The following ARSG variants were observed in gnomAD, a reference collection of about 807,000 sequenced individuals.
ARSG encodes ASG.
ARSG carries 37 observed loss-of-function variants against 50.5 expected under a neutral mutation model. The ratio of observed to expected loss-of-function variants is 0.73; its 90% CI spans 0.56 to 0.96. ARSG has a LOEUF of 0.96. ARSG is among the 50% of genes least tolerant of loss of function. The pLI is 0.00. For synonymous variants in ARSG, 225 were observed against 254.6 expected, an observed-to-expected ratio of 0.88 and a Z score of 1.11; for missense variants, 629 against 675.3, an observed-to-expected ratio of 0.93 and a Z score of 0.76.
downstream of ARSG, chr17:68,426,254 G>GGCCCCCCCCCCCCCC: frequency 3.7e-6 from 3 of 816,900 alleles, no homozygotes; most frequent in Non-Finnish European, 5.8e-6. Flanking sequence ...GGGAGCGGGG[G>GGCCCCCCCCCCCCCC]CTCAAATAAA....
chr17:68,334,251 G>A (rs948399811), intron 2 of ARSG, among the ~76,000 whole-genome samples: 1 of 152,178 alleles, frequency 6.6e-6, no homozygotes, highest in Admixed American at 6.5e-5. Flanking sequence ...ACTGCTCTCT[G>A]ATGATGTCCA....
At chr17:68,436,243 CCTT>C in the ARSG span, 3 of 742,490 alleles carry the variant, frequency 4.0e-6, no homozygotes, top group Non-Finnish European at 6.9e-6. Flanking sequence ...AATAGTATCA[CCTT>C]CTCTTGAACA....
chr17:68,322,253 G>T (rs990524408), intron 2 of ARSG, among the ~76,000 whole-genome samples: 1 of 152,190 alleles, frequency 6.6e-6, no homozygotes, highest in Non-Finnish European at 1.5e-5. Flanking sequence ...GCTGTGCTTG[G>T]GGCTGGAGTT....
chr17:68,287,422 A>G (rs1555754643), upstream of ARSG, among the ~76,000 whole-genome samples: 1 of 151,848 alleles, frequency 6.6e-6, no homozygotes, highest in Non-Finnish European at 1.5e-5. Context: ...GGCCTCCCAA[A>G]GTGATAGTAT....
intron 2 of ARSG, among the ~76,000 whole-genome samples, chr17:68,337,999 C>A (rs1038499101): frequency 6.6e-6 from 1 of 152,156 alleles, no homozygotes. Flanking sequence ...TCAGGCAGGT[C>A]TCCGAGGAAA....
At chr17:68,356,848 C>A (rs765788308) in intron 6 of ARSG, 44 bp downstream of exon 6, 1 of 1,612,314 alleles carries the variant, frequency 6.2e-7, no homozygotes, top group South Asian at 1.1e-5. Context: ...CCTGCCTCCA[C>A]CTACCCGTGC....
chr17:68,297,297 A>T (rs1555758676), intron 1 of ARSG, among the ~76,000 whole-genome samples: 1 of 152,262 alleles, frequency 6.6e-6, no homozygotes, highest in Admixed American at 6.5e-5. Context: ...GGAAGGCAGC[A>T]TACTCCAAGG....
Position 68,271,329 on chromosome 17 carries a change from G to T in ARSG, c.-552+11903G>T, listed in dbSNP as rs370850876. 224 of 1,614,062 alleles carry T rather than the reference G, an allele frequency of 1.4e-4. No individual in the cohort carries two copies. Among genetic ancestry groups the T allele is most frequent in the Admixed American group, 3.7e-4 (22 of 60,010 alleles). On this transcript the variant is annotated intron_variant, in intron 1 of 11. Coordinates refer to the ARSG transcript ENST00000448504. The surrounding 1 kb of genome is among the most constrained non-coding windows in gnomAD (Gnocchi z 5.3). ...AGTCTAATAGCGGGGCTTTCTTTTC[G>T]CTTGGCCTGGGGCTGGTCTTCACCA...
At chr17:68,376,009 G>A (rs148113860) in intron 8 of ARSG, among the ~76,000 whole-genome samples, 6 of 152,248 alleles carry the variant, frequency 3.9e-5, no homozygotes, top group Admixed American at 3.3e-4. Context: ...GTTCAGTTAA[G>A]TAGCACTTAG....
intron 1 of ARSG, among the ~76,000 whole-genome samples, chr17:68,264,651 G>A (rs1466905724): frequency 6.6e-6 from 1 of 151,796 alleles, no homozygotes; most frequent in African/African-American, 2.4e-5. Context: ...TGGTCAGGCT[G>A]GTCTCGAACT....
the ARSG span, among the ~76,000 whole-genome samples, chr17:68,436,204 G>A: frequency 1.3e-5 from 2 of 152,186 alleles, no homozygotes; most frequent in Non-Finnish European, 2.9e-5. Flanking sequence ...GGCTTATGGT[G>A]AGGTTGACTC....
chr17:68,370,407 C>T (rs1199938071), intron 7 of ARSG, 37 bp from the exon 8 acceptor site: 2 of 1,606,374 alleles, frequency 1.2e-6, no homozygotes, highest in Non-Finnish European at 1.7e-6. Context: ...AGTGTCCAAC[C>T]AGCCTGGTGA....
chr17:68,411,181 G>C (rs1488315393), intron 11 of ARSG, among the ~76,000 whole-genome samples: 1 of 152,096 alleles, frequency 6.6e-6, no homozygotes, highest in Admixed American at 6.6e-5. Context: ...GAATGTGTTT[G>C]CTCTTGCTTT....
At chr17:68,266,612 C>A (rs1555746509) in intron 1 of ARSG, among the ~76,000 whole-genome samples, 1 of 151,126 alleles carries the variant, frequency 6.6e-6, no homozygotes, top group Non-Finnish European at 1.5e-5. Context: ...GAGTTTGAAG[C>A]CAACCTGGCC....
At chr17:68,341,092 G>A (rs76982781) in intron 2 of ARSG, among the ~76,000 whole-genome samples, 2,804 of 152,222 alleles carry the variant, frequency 0.018, 29 homozygotes, top group Non-Finnish European at 0.024. Flanking sequence ...ACTGAGTGAA[G>A]TTTAAGCTTT....
intron 1 of ARSG, among the ~76,000 whole-genome samples, chr17:68,282,800 A>AAAAAAAAAAAAAAAAAAG (rs2075736806): frequency 6.8e-6 from 1 of 147,372 alleles, no homozygotes; most frequent in Non-Finnish European, 1.5e-5. Context: ...AAAAAAAAAA[A>AAAAAAAAAAAAAAAAAAG]GGCCAGGTGT....
chr17:68,366,271 G>A (rs1045886528), intron 6 of ARSG, among the ~76,000 whole-genome samples: 5 of 152,046 alleles, frequency 3.3e-5, no homozygotes, highest in African/African-American at 1.2e-4. Context: ...TTATTTAATT[G>A]TGGACTTTTA....
At chr17:68,395,273 C>A in intron 10 of ARSG, 80 bp downstream of exon 10, 1 of 1,574,372 alleles carries the variant, frequency 6.4e-7, no homozygotes. Flanking sequence ...GCAGACAGAA[C>A]CATCATCAGA....
rs782203795 is a variant in ARSG, at chr17:68,271,125, G to C, written c.-552+11699G>C. 5 of 1,614,118 alleles carry C rather than the reference G, an allele frequency of 3.1e-6. No homozygotes were observed. The South Asian group carries it at 4.4e-5, about 14-fold the overall frequency. Reference sequence around the variant, plus strand: ...CCCTGTTGAGGACAAAACCAGCTCCGATCCTTCCGAAAACTTCTGCAATGG... The same window carrying C: ...CCCTGTTGAGGACAAAACCAGCTCCCATCCTTCCGAAAACTTCTGCAATGG... On this transcript the variant is annotated intron_variant, in intron 1 of 11. Coordinates refer to the ARSG transcript ENST00000448504. This position sits in a 1 kb window ranked among gnomAD's most constrained non-coding sequence, Gnocchi z 5.3.
Sources: allele counts gnomAD v4.1 joint callset (sites outside exome capture counted in the v4.1 genomes callset), GRCh38; gene constraint gnomAD v4.1.1; non-coding constraint Gnocchi (gnomAD v3.1); transcripts MANE v1.5; gene names NCBI Gene and HGNC (gene_info 2026-07-23, HGNC 2026-07-21).